Variants in DBR1 observed in about 807,000 individuals in gnomAD.
DBR1 encodes the protein lariat debranching enzyme.
A neutral mutation model predicts 45.9 loss-of-function variants in DBR1; 33 were observed. The observed-to-expected ratio is 0.72, with a 90% CI of 0.55 to 0.96. The LOEUF is 0.96. DBR1 is among the 40% of genes least tolerant of loss of function. The pLI is 0.00. For missense variants in DBR1, 619 were observed against 667.4 expected (o/e 0.93, Z 0.80); for synonymous variants, 235 against 235.9 (o/e 1.00, Z 0.04).
chr3:138,163,503 T>C lies in DBR1; in HGVS notation c.796-9A>G, dbSNP rs1283090087. ...TGTTCTATCTCTAATATCTACAGGA[T>C]GAAATCAATGTTAAGAAATACATAT... On this transcript the variant is annotated splice_polypyrimidine_tract_variant and intron_variant, in intron 6 of 7. Transcript: ENST00000260803. The C allele has an allele frequency of 6.5e-7, 1 of 1,537,878 alleles. No homozygotes were observed. Among genetic ancestry groups the C allele is most frequent in the Non-Finnish European group, 8.9e-7 (1 of 1,127,556 alleles).
chr3:138,171,768 C>A lies in DBR1; in HGVS notation c.323-55G>T, dbSNP rs540922657. 12 of 1,223,076 alleles carry A rather than the reference C, an allele frequency of 9.8e-6. No homozygotes were observed. In the South Asian group the frequency reaches 1.5e-4, roughly 15 times the overall value. 75.8% of individuals were successfully genotyped at this position (1,223,076 alleles called of 1,614,324 possible). A position where few individuals can be genotyped will look rare whatever the true frequency, so the allele number is the denominator to read the frequency against. On this transcript the variant is annotated intron_variant, in intron 2 of 7. Transcript: ENST00000260803. ...TAGGCAAAAGGAATCTCTACACCGA[C>A]TGAATAAACCATTCCATTTAGATGG...
intron 2 of DBR1, 87 bp downstream of exon 2, chr3:138,173,414 AC>A: frequency 7.6e-7 from 1 of 1,316,390 alleles, no homozygotes; most frequent in Non-Finnish European, 1.1e-6. Context: ...CAAACACCAT[AC>A]ATGTCAAGAC....
In DBR1 at chr3:138,174,862, G is replaced by T; in HGVS notation, c.-67C>A. On this transcript the variant is annotated 5_prime_UTR_variant, in exon 1 of 8. Coordinates refer to ENST00000260803, the MANE Select transcript of DBR1 (RefSeq NM_016216.4). ...CACCACAGCCAGCCCAGGACCGACT[G>T]ATCGCTCAGCTCCCGCCAACTTTAA... is the stretch of plus-strand genomic sequence containing the variant. The T allele has an allele frequency of 2.0e-6, 3 of 1,492,716 alleles. No individual in the cohort carries two copies. The highest frequency in any genetic ancestry group is 2.4e-5 in the South Asian group (2 of 82,368). 92.5% of individuals were successfully genotyped at this position (1,492,716 alleles called of 1,614,324 possible). A position where few individuals can be genotyped will look rare whatever the true frequency, so the allele number is the denominator to read the frequency against.
chr3:138,164,723 G>T (rs2622732), intron 5 of DBR1, among the ~76,000 whole-genome samples: 97,250 of 152,136 alleles, frequency 0.64, 31,434 homozygotes, highest in Admixed American at 0.69. Context: ...CTTGACTCAC[G>T]GCAACCTCTG....
At chr3:138,172,638 A>C (rs1269141134) in intron 2 of DBR1, among the ~76,000 whole-genome samples, 3 of 152,210 alleles carry the variant, frequency 2.0e-5, no homozygotes, top group Non-Finnish European at 4.4e-5. Context: ...ATAGGGGCCA[A>C]TATTGAGACA....
intron 5 of DBR1, among the ~76,000 whole-genome samples, chr3:138,164,437 T>C: frequency 6.6e-6 from 1 of 152,174 alleles, no homozygotes; most frequent in East Asian, 1.9e-4. Context: ...TCCATTTAAA[T>C]GAATGTTCAG....
At position 138,162,321 on chromosome 3, in the gene DBR1, A is replaced by G. The variant is rs200452995; in HGVS notation, c.1203T>C (p.Asp401=). ...HVCGEYEEQD[D]VESNDSGEDQ... ...CTTCTCCAGAGTCATTACTCTCCAC[A>G]TCATCCTGTTCTTCATATTCACCAC... Residue 401 remains aspartate (D), a synonymous_variant, in exon 8 of 8, where the codon GAT becomes GAC. Transcript: ENST00000260803. The G allele has an allele frequency of 2.0e-5, 33 of 1,614,056 alleles. No homozygotes were observed. Among genetic ancestry groups the G allele is most frequent in the Non-Finnish European group, 2.5e-5 (29 of 1,180,034 alleles).
intron 3 of DBR1, 21 bp downstream of exon 3, chr3:138,171,612 A>T (rs750429454): frequency 6.3e-7 from 1 of 1,585,874 alleles, no homozygotes; most frequent in South Asian, 1.1e-5. Flanking sequence ...TAAAGTTTAA[A>T]AATAATTCTC....
chr3:138,165,342 T>C (rs546161617), intron 5 of DBR1, among the ~76,000 whole-genome samples: 2 of 152,320 alleles, frequency 1.3e-5, no homozygotes, highest in South Asian at 4.1e-4. Flanking sequence ...ATATCCTTAA[T>C]CCAAAAATCT....
At chr3:138,171,376 G>A in intron 3 of DBR1, 1 of 257,224 alleles carries the variant, frequency 3.9e-6, no homozygotes, top group East Asian at 8.9e-5. Flanking sequence ...TCAGGAGGCT[G>A]AGGCAGGAGA....
chr3:138,173,347 T>C (rs1348922323), intron 2 of DBR1, among the ~76,000 whole-genome samples, 155 bp downstream of exon 2: 1 of 152,234 alleles, frequency 6.6e-6, no homozygotes, highest in Non-Finnish European at 1.5e-5. Context: ...AACCATTTAA[T>C]AATTAACTAT....
intron 4 of DBR1, among the ~76,000 whole-genome samples, chr3:138,169,715 T>C (rs758447547): frequency 3.8e-4 from 58 of 152,124 alleles, no homozygotes; most frequent in Non-Finnish European, 7.5e-4. Flanking sequence ...GCGGATCACC[T>C]GAGGTCAGGA....
In DBR1 at chr3:138,161,909, C is replaced by T; in HGVS notation, c.1615G>A (p.Asp539Asn). Residue 539 changes from aspartate (D) to asparagine (N), a missense_variant, in exon 8 of 8, where the codon GAT (aspartate) becomes AAT (asparagine). This residue lies in a region of DBR1 where 182 missense variants were observed against 196.1 expected (regional missense o/e 0.93). Transcript: ENST00000260803. ...NQAIYAAVDD[D>N]DDDAA The stretch of plus-strand genomic sequence containing the variant: ...TCATCTTAAGCTGCATCGTCATCAT[C>T]ATCATCCACTGCAGCGTAAATGGCT... The T allele has an allele frequency of 2.5e-6, 4 of 1,612,286 alleles. No homozygotes were observed. In the South Asian group the frequency reaches 3.3e-5, roughly 13 times the overall value.
intron 5 of DBR1, among the ~76,000 whole-genome samples, chr3:138,165,526 G>A (rs1198062451): frequency 2.6e-5 from 4 of 151,838 alleles, no homozygotes; most frequent in Non-Finnish European, 5.9e-5. Context: ...TCAGGAGATC[G>A]AGACCATCCT....
At position 138,163,775 on chromosome 3, in the gene DBR1, T is replaced by C; in HGVS notation, c.795+3A>G. The C allele has an allele frequency of 1.2e-6, 2 of 1,608,020 alleles. No individual in the cohort carries two copies. Among genetic ancestry groups the C allele is most frequent in the Non-Finnish European group, 1.7e-6 (2 of 1,175,432 alleles). ...TATTATAAAGCCACTTCACTCTTCT[T>C]ACCTGAAGAAAATCTCTATGTGGTA... On this transcript the variant is annotated splice_donor_region_variant and intron_variant, in intron 6 of 7. Transcript: ENST00000260803.
At chr3:138,171,796 T>TGGTTTA in intron 2 of DBR1, 83 bp from the exon 3 acceptor site, 1 of 964,666 alleles carries the variant, frequency 1.0e-6, no homozygotes. Flanking sequence ...TTAGATGGAA[T>TGGTTTA]TCCACACAGT....
In DBR1 at chr3:138,162,378, C is replaced by G. The variant is rs1471021828; in HGVS notation, c.1146G>C (p.Arg382Ser). Residue 382 changes from arginine (R) to serine (S), a missense_variant, in exon 8 of 8, where the codon AGG becomes AGC. Physicochemically the swap from Arg to Ser is moderately radical, Grantham distance 110. This residue lies in a region of DBR1 where 182 missense variants were observed against 196.1 expected (regional missense o/e 0.93). Transcript: ENST00000260803. ...AQLGIIDINV[R>S]LQKSKEEHHV... is the part of the protein sequence containing the mutation. The stretch of plus-strand genomic sequence containing the variant: ...GATGTTCTTCCTTGGACTTCTGAAG[C>G]CTAACATTGATGTCTATGATGCCAA... 1.9e-6 allele frequency: 3 copies of G among 1,614,122 alleles called. No homozygotes were observed. The highest frequency in any genetic ancestry group is 1.1e-5 in the South Asian group (1 of 91,088).
rs111431439 is a variant in DBR1, at chr3:138,173,384, T to G, written c.322+118A>C. ...TTAATTAAATTTTCACGATTAAGTA[T>G]TTAAATTAATGACATTCTCCAAACA... On this transcript the variant is annotated intron_variant, in intron 2 of 7. Transcript: ENST00000260803. 2.1e-3 allele frequency: 2,174 copies of G among 1,026,802 alleles called. 34 individuals carry two copies. The African/African-American group carries it at 0.033, about 15-fold the overall frequency. 63.6% of individuals were successfully genotyped at this position (1,026,802 alleles called of 1,614,324 possible). A position where few individuals can be genotyped will look rare whatever the true frequency, so the allele number is the denominator to read the frequency against.
At position 138,163,436 on chromosome 3, in the gene DBR1, C is replaced by A; in HGVS notation, c.854G>T (p.Trp285Leu). 1 of 1,612,118 alleles carries A rather than the reference C, an allele frequency of 6.2e-7. No individual in the cohort carries two copies. The highest frequency in any genetic ancestry group is 8.5e-7 in the Non-Finnish European group (1 of 1,178,322). ...ATCCGTAGCCCTGAGAATAGTGAGC[C>A]ATTCAATATCATATTCCAAGTAATC... ...APDYLEYDIE[W>L]LTILRATDDL... Residue 285 changes from tryptophan (W) to leucine (L), a missense_variant, in exon 7 of 8, where the codon TGG (tryptophan) becomes TTG (leucine). By Grantham distance (61) the Trp-to-Leu change is moderately conservative (BLOSUM62 -2). Transcript: ENST00000260803.
Sources: gnomAD v4.1 joint callset for allele counts (sites outside exome capture counted in the v4.1 genomes callset) on GRCh38, gnomAD v4.1.1 for gene constraint, gnomAD v4.1.1 regional missense constraint, MANE v1.5 for transcripts, NCBI Gene and HGNC (gene_info 2026-07-23, HGNC 2026-07-21) for gene names.